ELF2: variants seen among roughly 807,000 people sequenced by gnomAD.
ELF2 encodes the protein E74 like ETS transcription factor 2.
ELF2 carries 11 observed loss-of-function variants against 54.8 expected under a neutral mutation model. The observed-to-expected ratio is 0.20, with a 90% CI of 0.13 to 0.33. The LOEUF is 0.33. Among genes scored for constraint, ELF2 ranks in the 10% least tolerant of loss-of-function variants. The probability of loss-of-function intolerance (pLI) is 1.00; values close to 1 mark genes in which losing one functional copy is unlikely to be tolerated. For synonymous variants in ELF2, 203 were observed against 245.1 expected, an observed-to-expected ratio of 0.83 and a Z score of 1.61; for missense variants, 513 against 703.0, an observed-to-expected ratio of 0.73 and a Z score of 3.06.
At chr4:139,088,362 A>C (rs1732222455) in intron 4 of ELF2, among the ~76,000 whole-genome samples, 1 of 152,104 alleles carries the variant, frequency 6.6e-6, no homozygotes, top group Admixed American at 6.6e-5. Flanking sequence ...TAATTCCAAA[A>C]GGAATATTTA....
intron 1 of ELF2, among the ~76,000 whole-genome samples, chr4:139,149,548 A>G (rs1739634479): frequency 6.6e-6 from 1 of 152,206 alleles, no homozygotes. Flanking sequence ...CAGGAGGCAG[A>G]GGTTGCAGTG....
chr4:139,126,085 CACACACAGAG>C lies in ELF2; in HGVS notation c.73-766_73-757del, dbSNP rs567316457. On this transcript the variant is annotated intron_variant, in intron 3 of 9. Transcript: ENST00000686138. The stretch of plus-strand genomic sequence containing the variant: ...AACAAAAAGCCAAATATTCATATTC[CACACACAGAG>C]AAGATATTATAAAGTAAGAACAGAT... 1.2e-4 allele frequency among the ~76,000 whole-genome samples: 19 copies of C among 152,182 alleles called. No homozygotes were observed. The South Asian group carries it at 4.0e-3, about 32-fold the overall frequency.
intron 7 of ELF2, among the ~76,000 whole-genome samples, chr4:139,065,685 C>T (rs934483697): frequency 7.2e-5 from 11 of 152,078 alleles, no homozygotes; most frequent in African/African-American, 7.2e-5. Flanking sequence ...AAATTTAATA[C>T]AAGACTGAAA....
In ELF2 at chr4:139,135,273, GTGTGTGTA is replaced by G. The variant is rs1394114603; in HGVS notation, c.72+2349_72+2356del. 3.0e-3 allele frequency among the ~76,000 whole-genome samples: 416 copies of G among 136,426 alleles called. 1 individual carries two copies. Among genetic ancestry groups the G allele is most frequent in the African/African-American group, 8.2e-3 (288 of 35,040 alleles). 89.5% of individuals were successfully genotyped at this position (136,426 alleles called of 152,430 possible). On this transcript the variant is annotated intron_variant, in intron 3 of 9. Coordinates refer to ENST00000686138, the MANE Select transcript of ELF2 (RefSeq NM_001331036.3). ...TGTGTGTGTGTGTGTGTGTGTGTGT[GTGTGTGTA>G]TATATGAATGAAACATTCCTGAAAA...
chr4:139,172,186 A>G (rs919512532), intron 1 of ELF2, among the ~76,000 whole-genome samples: 1 of 152,254 alleles, frequency 6.6e-6, no homozygotes, highest in Admixed American at 6.5e-5. Context: ...TATTATTTAA[A>G]GAGTCAACAA....
At chr4:139,121,332 T>C (rs959246893) in intron 4 of ELF2, among the ~76,000 whole-genome samples, 1 of 151,472 alleles carries the variant, frequency 6.6e-6, no homozygotes, top group South Asian at 2.1e-4. Context: ...ATGGTCTCGA[T>C]CTCCTGACCT....
At chr4:139,067,855 A>G (rs1220561431) in intron 6 of ELF2, 85 bp from the exon 7 acceptor site, 2 of 1,248,416 alleles carry the variant, frequency 1.6e-6, no homozygotes, top group Admixed American at 4.4e-5. Context: ...ATTACACATT[A>G]TTCATTTAAA....
At chr4:139,100,036 C>T (rs1045769114) in intron 4 of ELF2, among the ~76,000 whole-genome samples, 4 of 152,116 alleles carry the variant, frequency 2.6e-5, no homozygotes, top group African/African-American at 9.7e-5. Context: ...ATGAAAGGAG[C>T]ACTGTGATTA....
intron 1 of ELF2, among the ~76,000 whole-genome samples, chr4:139,143,961 A>T (rs1345224279): frequency 2.0e-5 from 3 of 151,946 alleles, no homozygotes; most frequent in Admixed American, 6.6e-5. Context: ...TAAAAAAAAA[A>T]TTCCCACCCT....
chr4:139,084,240 C>T lies in ELF2; in HGVS notation c.239-10673G>A. ...GCTTCACATTGACTTACACCGTGAG[C>T]AGCGGCGGCAGGGGAGGAGGCGGAA... On this transcript the variant is annotated intron_variant, in intron 4 of 9. Transcript: ENST00000686138. The T allele has an allele frequency of 3.1e-6, 5 of 1,610,238 alleles. No homozygotes were observed. In the South Asian group the frequency reaches 5.5e-5, roughly 18 times the overall value.
chr4:139,113,854 CAAA>C (rs34276246), intron 4 of ELF2, among the ~76,000 whole-genome samples: 5 of 145,278 alleles, frequency 3.4e-5, no homozygotes, highest in Admixed American at 6.9e-5. Context: ...GACCATGTCT[CAAA>C]AAAAAAAAAA....
At chr4:139,091,883 T>C (rs545848983) in intron 4 of ELF2, among the ~76,000 whole-genome samples, 19 of 150,810 alleles carry the variant, frequency 1.3e-4, no homozygotes, top group African/African-American at 3.4e-4. Context: ...GTCAAGAAAA[T>C]AGAATATACA....
chr4:139,141,782 C>A (rs899477032), intron 1 of ELF2, among the ~76,000 whole-genome samples: 2 of 152,092 alleles, frequency 1.3e-5, no homozygotes, highest in Non-Finnish European at 2.9e-5. Context: ...TCCAGGATCC[C>A]ATCCCTAGTC....
At chr4:139,161,637 C>A (rs900894053) in intron 1 of ELF2, among the ~76,000 whole-genome samples, 1 of 120,038 alleles carries the variant, frequency 8.3e-6, no homozygotes, top group Non-Finnish European at 1.6e-5. Context: ...CACAAATAGT[C>A]TACGTAAAAC....
intron 4 of ELF2, among the ~76,000 whole-genome samples, chr4:139,096,775 T>C (rs1733336470): frequency 6.6e-6 from 1 of 152,042 alleles, no homozygotes; most frequent in Non-Finnish European, 1.5e-5. Context: ...TGGCCTAAAC[T>C]ATAAAATTTT....
intron 4 of ELF2, among the ~76,000 whole-genome samples, chr4:139,124,682 A>G (rs1454674198): frequency 6.6e-6 from 1 of 152,194 alleles, no homozygotes; most frequent in Non-Finnish European, 1.5e-5. Context: ...GATCTCTAAG[A>G]CGACAAAAAG....
intron 1 of ELF2, among the ~76,000 whole-genome samples, chr4:139,172,268 ACAGCTTTACTTTGCAGTTTCAGTT>A (rs1307908556): frequency 6.6e-6 from 1 of 152,244 alleles, no homozygotes; most frequent in Non-Finnish European, 1.5e-5. Flanking sequence ...CCCCTTACCT[ACAGCTTTACTTTGCAGTTTCAGTT>A]ACCCACAGTC....
chr4:139,171,627 A>G (rs111519298), intron 1 of ELF2, among the ~76,000 whole-genome samples: 2,354 of 151,880 alleles, frequency 0.015, 76 homozygotes, highest in African/African-American at 0.054. Flanking sequence ...AAAACACAAC[A>G]AATTAACAAA....
At position 139,059,549 on chromosome 4, in the gene ELF2, A is replaced by C. The variant is rs1456775172; in HGVS notation, c.1216T>G (p.Ser406Ala). 6.2e-7 allele frequency: 1 copy of C among 1,613,718 alleles called. No homozygotes were observed. Among genetic ancestry groups the C allele is most frequent in the Middle Eastern group, 1.7e-4 (1 of 6,056 alleles). The part of the protein sequence containing the change: ...VVMTSLGQKI[S>A]TVAVQSVNAG... Reference sequence around the variant, plus strand: ...TTAACTGACTGAACTGCCACAGTTGAAATTTTCTGACCCAATGATGTCATT... The same window carrying C: ...TTAACTGACTGAACTGCCACAGTTGCAATTTTCTGACCCAATGATGTCATT... The change falls in exon 10 of 10, where the codon TCA becomes GCA. Residue 406 changes from serine (S) to alanine (A), a missense_variant. Ser to Ala is a moderately conservative substitution (Grantham distance 99, BLOSUM62 1). Coordinates refer to ENST00000686138, the MANE Select transcript of ELF2 (RefSeq NM_001331036.3).
Sources: allele counts gnomAD v4.1 joint callset (sites outside exome capture counted in the v4.1 genomes callset), GRCh38; gene constraint gnomAD v4.1.1; transcripts MANE v1.5; gene names NCBI Gene and HGNC (gene_info 2026-07-23, HGNC 2026-07-21).